The following SYNE1 variants were observed in gnomAD, a reference collection of about 807,000 sequenced individuals.
SYNE1 encodes nesprin-1.
SYNE1 carries 616 observed loss-of-function variants against 1,111.0 expected under a neutral mutation model. The ratio of observed to expected loss-of-function variants is 0.55; its 90% CI spans 0.52 to 0.59. SYNE1 has a LOEUF of 0.59. Among genes scored for constraint, SYNE1 ranks in the 20% least tolerant of loss-of-function variants. SYNE1 has a pLI of 0.00. For synonymous variants in SYNE1, 3,855 were observed against 3,825.8 expected, an observed-to-expected ratio of 1.01 and a Z score of -0.28; for missense variants, 10,006 against 10,417.0, an observed-to-expected ratio of 0.96 and a Z score of 1.72.
intron 96 of SYNE1, 53 bp downstream of exon 96, chr6:152,283,922 CACA>C (rs2094174455): frequency 7.2e-7 from 1 of 1,391,356 alleles, no homozygotes; most frequent in Non-Finnish European, 1.0e-6. Flanking sequence ...TACTTGGTAA[CACA>C]ACGTTAAAAG....
intron 3 of SYNE1, among the ~76,000 whole-genome samples, chr6:152,566,757 C>T (rs1022941453): frequency 3.9e-5 from 6 of 152,092 alleles, no homozygotes; most frequent in African/African-American, 9.7e-5. Context: ...CACAAACAAC[C>T]GCAGTTGTAA....
rs775408828 is a variant in SYNE1 at position 152,236,869 on chromosome 6, C to A, written c.20147G>T (p.Gly6716Val). Residue 6716 changes from glycine to valine, a missense_variant, in exon 109 of 146, where the codon GGT (glycine) becomes GTT (valine). By Grantham distance (109) the Gly-to-Val change is moderately radical. This residue lies in a region of SYNE1 where 2,182 missense variants were observed against 2,287.8 expected (regional missense o/e 0.95). Transcript: ENST00000367255. ...EVVESSIPSV[G>V]LVEENEDRLI... Reference sequence around the variant, plus strand: ...CCTGTCCTCGTTCTCCTCCACCAGACCCACGCTTGGGATGCTGCTTTCCAC... The same window carrying A: ...CCTGTCCTCGTTCTCCTCCACCAGAACCACGCTTGGGATGCTGCTTTCCAC... 1.2e-6 allele frequency: 2 copies of A among 1,614,046 alleles called. No individual in the cohort carries two copies. The highest frequency in any genetic ancestry group is 1.7e-6 in the Non-Finnish European group (2 of 1,180,030).
rs375616724 is a variant in SYNE1 at position 152,136,725 on chromosome 6, G to A, written c.25552C>T (p.Arg8518Trp). 7.3e-5 allele frequency: 118 copies of A among 1,614,104 alleles called. No individual in the cohort carries two copies. Among genetic ancestry groups the A allele is most frequent in the Non-Finnish European group, 9.8e-5 (116 of 1,180,050 alleles). Residue 8518 changes from arginine to tryptophan, a missense_variant, in exon 141 of 146, where the codon CGG becomes TGG. This residue lies in a region of SYNE1 where 761 missense variants were observed against 795.5 expected (regional missense o/e 0.96). Transcript: ENST00000367255. ...EFTQADSKES[R>W]DLQDRLSQMN... ...TGCGACAAGCGATCCTGCAGGTCCC[G>A]GCTCTCCTTGCTGTCAGCCTGGGTG...
chr6:152,141,194 C>G lies in SYNE1; in HGVS notation c.25246+9G>C. 1 of 1,614,092 alleles carries G rather than the reference C, an allele frequency of 6.2e-7. No individual in the cohort carries two copies. The highest frequency in any genetic ancestry group is 8.5e-7 in the Non-Finnish European group (1 of 1,179,992). On this transcript the variant is annotated intron_variant, in intron 139 of 145. Transcript: ENST00000367255. The stretch of plus-strand genomic sequence containing the variant: ...TCATTCACTCTTGAACTGGATGCTA[C>G]GCACTCACCAGCCGTTTGGGTTTCG...
chr6:152,462,355 C>T (rs535211438), intron 20 of SYNE1, among the ~76,000 whole-genome samples: 1 of 152,154 alleles, frequency 6.6e-6, no homozygotes, highest in East Asian at 1.9e-4. Context: ...AAAATTCTTC[C>T]ACTACTTCAT....
chr6:152,471,489 A>C, intron 16 of SYNE1, 108 bp downstream of exon 16: 1 of 1,103,240 alleles, frequency 9.1e-7, no homozygotes, highest in Non-Finnish European at 1.4e-6. Context: ...AACACACGCT[A>C]TCTTTATGTT....
chr6:152,181,197 A>G (rs919814214), intron 128 of SYNE1, among the ~76,000 whole-genome samples: 11 of 74,398 alleles, frequency 1.5e-4, no homozygotes, highest in African/African-American at 5.7e-4. Flanking sequence ...AGATCACTAG[A>G]GGTCAGGAGT....
At chr6:152,424,246 GT>G (rs1417921043) in intron 39 of SYNE1, among the ~76,000 whole-genome samples, 1 of 152,114 alleles carries the variant, frequency 6.6e-6, no homozygotes, top group Non-Finnish European at 1.5e-5. Flanking sequence ...TATTAAAATG[GT>G]TTGTATCCAA....
In SYNE1 at chr6:152,511,100, T is replaced by C; in HGVS notation, c.313A>G (p.Lys105Glu). 1 of 1,613,448 alleles carries C rather than the reference T, an allele frequency of 6.2e-7. No homozygotes were observed. The highest frequency in any genetic ancestry group is 8.5e-7 in the Non-Finnish European group (1 of 1,179,412). The change falls in exon 7 of 146, where the codon AAA becomes GAA. Residue 105 changes from lysine (K) to glutamate (E), a missense_variant. Around this residue, in one of 7 missense-constraint regions of SYNE1, gnomAD observed 1,971 missense variants for 2,084.1 expected, o/e 0.95. Transcript: ENST00000367255. Reference protein sequence around the residue: ...ALKFLEGRKIKLVNINSTDIA... With the variant: ...ALKFLEGRKIELVNINSTDIA... ...TCGGTGGAGTTAATGTTGACTAATT[T>C]AATCTGTTTAAAAAAGAGAAACTGT...
chr6:152,464,230 T>C (rs946106717), intron 18 of SYNE1, among the ~76,000 whole-genome samples: 2 of 152,180 alleles, frequency 1.3e-5, no homozygotes, highest in African/African-American at 2.4e-5. Context: ...AAATAAAGCG[T>C]ATGTGTGCAC....
intron 3 of SYNE1, among the ~76,000 whole-genome samples, chr6:152,576,842 C>T (rs948257790): frequency 6.6e-6 from 1 of 152,084 alleles, no homozygotes; most frequent in South Asian, 2.1e-4. Flanking sequence ...AGTAGATCAC[C>T]CTCAAAGCAA....
intron 2 of SYNE1, among the ~76,000 whole-genome samples, chr6:152,631,118 G>C (rs1434591619): frequency 6.6e-6 from 1 of 152,204 alleles, no homozygotes; most frequent in East Asian, 1.9e-4. Flanking sequence ...AGGGCTAAGT[G>C]CAAATACAAA....
chr6:152,530,921 C>G (rs1158096484), intron 4 of SYNE1, among the ~76,000 whole-genome samples: 1 of 152,054 alleles, frequency 6.6e-6, no homozygotes, highest in Non-Finnish European at 1.5e-5. Context: ...CCACATCCCG[C>G]CGTGTGATGA....
chr6:152,296,367 T>C (rs980382075), intron 93 of SYNE1, among the ~76,000 whole-genome samples: 1 of 152,262 alleles, frequency 6.6e-6, no homozygotes, highest in Non-Finnish European at 1.5e-5. Flanking sequence ...CAGATGTTCA[T>C]GCATATCCTG....
In SYNE1 at chr6:152,362,288, T is replaced by A. The variant is rs754599705; in HGVS notation, c.10181A>T (p.Tyr3394Phe). The A allele has an allele frequency of 3.7e-6, 6 of 1,614,246 alleles. No individual in the cohort carries two copies. The Admixed American group carries it at 1.0e-4, about 27-fold the overall frequency. Residue 3394 changes from tyrosine to phenylalanine, a missense_variant, in exon 64 of 146, where the codon TAT (tyrosine) becomes TTT (phenylalanine). By Grantham distance (22) the Tyr-to-Phe change is conservative. Coordinates refer to ENST00000367255, the MANE Select transcript of SYNE1 (RefSeq NM_182961.4). ...LEGALSKWTSYQDGVRQFSGW... is the reference protein window; with the variant it reads ...LEGALSKWTSFQDGVRQFSGW... ...GGAGAACTGTCGAACGCCATCCTGATAACTTGTCCACTTGGAGAGAGCTCC... is the reference window on the plus strand; with the variant it reads ...GGAGAACTGTCGAACGCCATCCTGAAAACTTGTCCACTTGGAGAGAGCTCC...
At chr6:152,233,651 C>G in intron 112 of SYNE1, 130 bp downstream of exon 112, 2 of 1,140,622 alleles carry the variant, frequency 1.8e-6, no homozygotes, top group South Asian at 2.7e-5. Context: ...ATTAATACAA[C>G]GGGAGAGAGA....
chr6:152,137,916 A>G (rs1297056784), intron 140 of SYNE1, among the ~76,000 whole-genome samples: 2 of 152,156 alleles, frequency 1.3e-5, no homozygotes, highest in African/African-American at 4.8e-5. Context: ...TTTTCTTGTC[A>G]TGCCGGATGA....
intron 74 of SYNE1, 87 bp downstream of exon 74, chr6:152,343,994 G>T: frequency 6.4e-7 from 1 of 1,571,832 alleles, no homozygotes; most frequent in Non-Finnish European, 8.7e-7. Context: ...AGTCAATACA[G>T]TTTGGCACAT....
chr6:152,632,907 G>A (rs2099700271), intron 2 of SYNE1, among the ~76,000 whole-genome samples: 1 of 152,120 alleles, frequency 6.6e-6, no homozygotes, highest in South Asian at 2.1e-4. Flanking sequence ...GCTGCAATAT[G>A]AGAGACGGCC....
Sources: gnomAD v4.1 joint callset for allele counts (sites outside exome capture counted in the v4.1 genomes callset) on GRCh38, gnomAD v4.1.1 for gene constraint, gnomAD v4.1.1 regional missense constraint, MANE v1.5 for transcripts, NCBI Gene and HGNC (gene_info 2026-07-23, HGNC 2026-07-21) for gene names.